ERBB4: variants seen among roughly 807,000 people sequenced by gnomAD.
The protein encoded by ERBB4 is erb-b2 receptor tyrosine kinase 4.
A neutral mutation model predicts 158.0 loss-of-function variants in ERBB4; 42 were observed. The ratio of observed to expected loss-of-function variants is 0.27; its 90% confidence interval spans 0.21 to 0.34. The LOEUF (loss-of-function observed/expected upper bound fraction) is 0.34, where lower values mean the gene tolerates loss of function less well. Ranked by LOEUF, ERBB4 falls within the 10% of genes least tolerant of loss-of-function variation. The pLI, the probability that ERBB4 is intolerant of heterozygous loss-of-function variation, is 1.00. For missense variants in ERBB4, 1,333 were observed against 1,624.1 expected (o/e 0.82, Z 3.08); for synonymous variants, 583 against 558.7 (o/e 1.04, Z -0.61).
In ERBB4 at chr2:211,518,539, G is replaced by A. The variant is rs1445073240; in HGVS notation, c.2487+43364C>T. Among the ~76,000 whole-genome samples, 4 of 151,786 alleles carry A rather than the reference G, an allele frequency of 2.6e-5. No individual in the cohort carries two copies. The East Asian group carries it at 7.8e-4, about 29-fold the overall frequency. Reference sequence around the variant, plus strand: ...GGTGGTGGTGCACACCTGTAATCCTGGCTACTCAGGAGGCTGAGGCAGGAG... The same window carrying A: ...GGTGGTGGTGCACACCTGTAATCCTAGCTACTCAGGAGGCTGAGGCAGGAG... On this transcript the variant is annotated intron_variant, in intron 20 of 27. Transcript: ENST00000342788.
intron 20 of ERBB4, among the ~76,000 whole-genome samples, chr2:211,557,885 A>AGACTGGATAAATAAAATGTG (rs1291268805): frequency 4.6e-5 from 7 of 152,200 alleles, no homozygotes; most frequent in Admixed American, 4.6e-4. Flanking sequence ...CATCAATGGT[A>AGACTGGATAAATAAAATGTG]GACTGGATAA....
intron 1 of ERBB4, among the ~76,000 whole-genome samples, chr2:212,310,954 T>G (rs2087019495): frequency 6.6e-6 from 1 of 150,792 alleles, no homozygotes; most frequent in African/African-American, 2.4e-5. Flanking sequence ...TATGTAGTAA[T>G]CCTTTAAATC....
intron 1 of ERBB4, among the ~76,000 whole-genome samples, chr2:212,278,074 A>T (rs2085612815): frequency 6.6e-6 from 1 of 151,742 alleles, no homozygotes; most frequent in African/African-American, 2.4e-5. Flanking sequence ...GTTGCCGCTA[A>T]TATTGTTAAA....
chr2:211,952,694 T>G (rs839518), intron 2 of ERBB4, among the ~76,000 whole-genome samples: 53,199 of 151,914 alleles, frequency 0.35, 10,312 homozygotes, highest in African/African-American at 0.51. Flanking sequence ...TAACCTCATT[T>G]AGCCTCAGTT....
chr2:211,641,111 A>T (rs1010626448), intron 16 of ERBB4, among the ~76,000 whole-genome samples: 11 of 152,096 alleles, frequency 7.2e-5, no homozygotes, highest in African/African-American at 2.7e-4. Context: ...TGTTGATTTT[A>T]TTAATAGCTT....
chr2:211,739,803 T>C (rs1186014638), intron 5 of ERBB4, among the ~76,000 whole-genome samples: 1 of 152,224 alleles, frequency 6.6e-6, no homozygotes, highest in Admixed American at 6.5e-5. Flanking sequence ...ATTTTTAAGA[T>C]ATTCTTTAGA....
rs1181682464 is a variant in ERBB4, at chr2:211,772,924, C to CACAT, written c.556+15100_556+15101insATGT. On this transcript the variant is annotated intron_variant, in intron 4 of 27. Coordinates refer to ENST00000342788, the MANE Select transcript of ERBB4 (RefSeq NM_005235.3). ...ATATATATATACACACACACACACACATATATATATATATATATATATATA... is the reference window on the plus strand; with the variant it reads ...ATATATATATACACACACACACACACACATATATATATATATATATATATATATA... Among the ~76,000 whole-genome samples the CACAT allele has an allele frequency of 4.4e-4, 16 of 36,726 alleles. 1 individual carries two copies. The highest frequency in any genetic ancestry group is 6.4e-4 in the Non-Finnish European group (14 of 21,850). The allele number at this position is 36,726 out of a possible 152,430, so 24.1% of individuals were successfully genotyped here.
intron 2 of ERBB4, among the ~76,000 whole-genome samples, chr2:212,079,913 G>A (rs2078385669): frequency 6.6e-6 from 1 of 151,728 alleles, no homozygotes; most frequent in Non-Finnish European, 1.5e-5. Flanking sequence ...ATTAATCTTA[G>A]GATTATATAG....
chr2:211,386,518 T>C (rs143896552), intron 27 of ERBB4, among the ~76,000 whole-genome samples: 1 of 152,346 alleles, frequency 6.6e-6, no homozygotes, highest in East Asian at 1.9e-4. Flanking sequence ...CCTGACACTT[T>C]GTAGTATGCT....
chr2:211,827,564 T>G (rs2077129572), intron 3 of ERBB4, among the ~76,000 whole-genome samples: 2 of 136,158 alleles, frequency 1.5e-5, no homozygotes, highest in African/African-American at 3.1e-5. Flanking sequence ...GACAAAGTGG[T>G]TTTTTTTTCA....
intron 3 of ERBB4, among the ~76,000 whole-genome samples, chr2:211,944,108 CTATATA>C (rs35918167): frequency 7.5e-6 from 1 of 133,114 alleles, no homozygotes; most frequent in South Asian, 2.2e-4. Context: ...CATGGTTACA[CTATATA>C]TATATACACA....
chr2:212,319,252 T>C (rs1226751866), intron 1 of ERBB4, among the ~76,000 whole-genome samples: 1 of 150,930 alleles, frequency 6.6e-6, no homozygotes, highest in Non-Finnish European at 1.5e-5. Context: ...AGCCTTCAAA[T>C]GTTTGATAGT....
chr2:211,793,506 C>G (rs530267962), intron 3 of ERBB4, among the ~76,000 whole-genome samples: 1 of 151,882 alleles, frequency 6.6e-6, no homozygotes, highest in Non-Finnish European at 1.5e-5. Context: ...AATCAAGAAT[C>G]AAAATCCAAG....
chr2:212,076,953 G>A (rs10181409), intron 2 of ERBB4, among the ~76,000 whole-genome samples: 125,332 of 151,826 alleles, frequency 0.83, 53,381 homozygotes, highest in East Asian at 1. Context: ...AATAAGGGAA[G>A]AAAAGACATC....
At chr2:212,021,063 CCAT>C in intron 2 of ERBB4, among the ~76,000 whole-genome samples, 1 of 152,086 alleles carries the variant, frequency 6.6e-6, no homozygotes, top group African/African-American at 2.4e-5. Context: ...AATATGCTCA[CCAT>C]GATTATATAG....
rs139582080 is a variant in ERBB4 at position 211,777,010 on chromosome 2, T to C, written c.556+11015A>G. Among the ~76,000 whole-genome samples, 541 of 152,206 alleles carry C rather than the reference T, an allele frequency of 3.6e-3. 4 individuals carry two copies. Among genetic ancestry groups the C allele is most frequent in the Middle Eastern group, 0.014 (4 of 294 alleles). On this transcript the variant is annotated intron_variant, in intron 4 of 27. Coordinates refer to ENST00000342788, the MANE Select transcript of ERBB4 (RefSeq NM_005235.3). ...ACTGGGTTGCATTTTAGTATCTTGT[T>C]TTTGGGGTTTGGCAAGGGTACATTT...
In ERBB4 at chr2:212,335,883, A is replaced by G. The variant is rs2088416517; in HGVS notation, c.82+202566T>C. On this transcript the variant is annotated intron_variant, in intron 1 of 27. Coordinates refer to ENST00000342788, the MANE Select transcript of ERBB4 (RefSeq NM_005235.3). ...TTCATGAAAAAGAAGTTCCACTGTT[A>G]ATTTTTTTGAAAACTCCAAATTGAG... Among the ~76,000 whole-genome samples, 2 of 151,974 alleles carry G rather than the reference A, an allele frequency of 1.3e-5. 1 individual carries two copies. The highest frequency in any genetic ancestry group is 4.1e-4 in the South Asian group (2 of 4,820).
intron 3 of ERBB4, among the ~76,000 whole-genome samples, chr2:211,834,421 T>C (rs2077292213): frequency 6.6e-6 from 1 of 151,568 alleles, no homozygotes; most frequent in South Asian, 2.1e-4. Context: ...AAAATACATA[T>C]GGATAGCTTG....
chr2:212,371,603 G>A (rs987333188), intron 1 of ERBB4, among the ~76,000 whole-genome samples: 3 of 152,146 alleles, frequency 2.0e-5, no homozygotes, highest in African/African-American at 7.2e-5. Context: ...CATCACTACT[G>A]ATAATTTCAA....
Sources: allele counts gnomAD v4.1 joint callset (sites outside exome capture counted in the v4.1 genomes callset), GRCh38; gene constraint gnomAD v4.1.1; transcripts MANE v1.5; gene names NCBI Gene and HGNC (gene_info 2026-07-23, HGNC 2026-07-21).